TOGARAM1: variants seen among roughly 807,000 people sequenced by gnomAD.
The protein encoded by TOGARAM1 is TOG array regulator of axonemal microtubules protein 1.
In TOGARAM1, 100 loss-of-function variants were observed where a neutral mutation model predicts 166.6. The ratio of observed to expected loss-of-function variants is 0.60; its 90% CI spans 0.51 to 0.71. The LOEUF is 0.71. Ranked by LOEUF, TOGARAM1 falls within the 30% of genes least tolerant of loss-of-function variation. The probability of loss-of-function intolerance (pLI) is 0.00; values close to 1 mark genes in which losing one functional copy is unlikely to be tolerated. For synonymous variants in TOGARAM1, 758 were observed against 763.8 expected (o/e 0.99, Z 0.13); for missense variants, 2,029 against 2,102.7 (o/e 0.96, Z 0.69).
At chr14:45,068,745 G>GT (rs1179538549) in intron 18 of TOGARAM1, 102 bp downstream of exon 18, 6 of 811,232 alleles carry the variant, frequency 7.4e-6, no homozygotes, top group African/African-American at 7.1e-5. Context: ...TAGTTATTCA[G>GT]TTTTTTAAAC....
At chr14:45,052,145 C>T (rs1385617328) in intron 14 of TOGARAM1, among the ~76,000 whole-genome samples, 1 of 152,112 alleles carries the variant, frequency 6.6e-6, no homozygotes, top group Non-Finnish European at 1.5e-5. Flanking sequence ...ATATGACTAG[C>T]CATGGAAAAA....
In TOGARAM1 at chr14:45,025,830, A is replaced by G. The variant is rs897180758; in HGVS notation, c.3286A>G (p.Thr1096Ala). 1.2e-6 allele frequency: 2 copies of G among 1,610,426 alleles called. No individual in the cohort carries two copies. The highest frequency in any genetic ancestry group is 8.5e-7 in the Non-Finnish European group (1 of 1,177,396). Reference sequence around the variant, plus strand: ...AATTTCCAGTTTTGACTTCACAACCACAAAGGCTTTATCAGAAGACTCAGT... The same window carrying G: ...AATTTCCAGTTTTGACTTCACAACCGCAAAGGCTTTATCAGAAGACTCAGT... ...QQISSFDFTT[T>A]KALSEDSVVV... Residue 1096 changes from threonine to alanine, a missense_variant, in exon 8 of 20, where the codon ACA (threonine) becomes GCA (alanine). By Grantham distance (58) the Thr-to-Ala change is moderately conservative. Around this residue, in one of 2 missense-constraint regions of TOGARAM1, gnomAD observed 1,453 missense variants for 1,432.2 expected, o/e 1.01. Transcript: ENST00000361462.
At chr14:45,038,771 A>C (rs1009551944) in intron 11 of TOGARAM1, among the ~76,000 whole-genome samples, 2 of 152,150 alleles carry the variant, frequency 1.3e-5, no homozygotes, top group Non-Finnish European at 2.9e-5. Context: ...GATTTCATCC[A>C]TGTTTGTGTT....
chr14:44,976,033 CTA>C (rs1406849856), intron 1 of TOGARAM1, among the ~76,000 whole-genome samples: 3 of 151,882 alleles, frequency 2.0e-5, no homozygotes, highest in Admixed American at 2.0e-4. Flanking sequence ...AAAATGATTC[CTA>C]GATCAACTAT....
intron 13 of TOGARAM1, among the ~76,000 whole-genome samples, chr14:45,045,583 ATGTGTG>A (rs1200414644): frequency 0.073 from 2,661 of 36,508 alleles, 136 homozygotes; most frequent in African/African-American, 0.14. Flanking sequence ...ATATATATAT[ATGTGTG>A]TGTGTGTGTG....
rs557830590 is a variant in TOGARAM1, at chr14:44,981,652, A to G, written c.2047-14094A>G. ...TAAAAAAGTTATACATGCTCATTAT[A>G]GAAAATTTGAAAAATATGGGAAAGC... On this transcript the variant is annotated intron_variant, in intron 1 of 19. Transcript: ENST00000361462. Among the ~76,000 whole-genome samples the G allele has an allele frequency of 5.3e-5, 8 of 152,326 alleles. No individual in the cohort carries two copies. In the East Asian group the frequency reaches 1.5e-3, roughly 29 times the overall value.
chr14:44,975,149 C>T (rs994857091), intron 1 of TOGARAM1, among the ~76,000 whole-genome samples: 3 of 152,074 alleles, frequency 2.0e-5, no homozygotes, highest in African/African-American at 7.2e-5. Context: ...AGAATTTTCC[C>T]CTTTCTGTGT....
chr14:44,994,244 G>A (rs758765364), intron 1 of TOGARAM1, among the ~76,000 whole-genome samples: 10 of 151,928 alleles, frequency 6.6e-5, no homozygotes, highest in South Asian at 4.2e-4. Flanking sequence ...TCAGCCTCCC[G>A]AGTAGCTAGG....
rs576474628 is a variant in TOGARAM1, at chr14:45,020,144, A to G, written c.3239-5639A>G. 4.0e-4 allele frequency among the ~76,000 whole-genome samples: 61 copies of G among 152,318 alleles called. No individual in the cohort carries two copies. The South Asian group carries it at 0.011, about 28-fold the overall frequency. On this transcript the variant is annotated intron_variant, in intron 7 of 19. Transcript: ENST00000361462. Reference sequence around the variant, plus strand: ...CAATATTATAGCTGCTAGAGGTCCTAAGAAGGGGAGAATCCAGGGCATCCA... The same window carrying G: ...CAATATTATAGCTGCTAGAGGTCCTGAGAAGGGGAGAATCCAGGGCATCCA...
Position 45,052,569 on chromosome 14 carries a change from G to A in TOGARAM1, c.4440+7G>A, listed in dbSNP as rs759872690. The A allele has an allele frequency of 5.1e-6, 8 of 1,580,156 alleles. No individual in the cohort carries two copies. The highest frequency in any genetic ancestry group is 6.9e-6 in the Non-Finnish European group (8 of 1,159,194). On this transcript the variant is annotated splice_region_variant and intron_variant, in intron 15 of 19. Coordinates refer to ENST00000361462, the MANE Select transcript of TOGARAM1 (RefSeq NM_001308120.2). ...TAGAAACTTACAGCAAAAGGTATGT[G>A]GGAAAAGTTTGTTTTATAAACAGCT...
At chr14:44,966,434 C>A (rs568771194) in intron 1 of TOGARAM1, among the ~76,000 whole-genome samples, 46 of 152,098 alleles carry the variant, frequency 3.0e-4, no homozygotes, top group Middle Eastern at 6.8e-3. Context: ...GATCACACCA[C>A]TGTACCCCAG....
chr14:44,987,970 C>T (rs1288356242), intron 1 of TOGARAM1, among the ~76,000 whole-genome samples: 2 of 151,856 alleles, frequency 1.3e-5, no homozygotes, highest in Non-Finnish European at 2.9e-5. Context: ...ATGGATGAAG[C>T]TGGAAACCAT....
chr14:45,011,766 T>G (rs1187332943), intron 6 of TOGARAM1: 12 of 412,210 alleles, frequency 2.9e-5, no homozygotes, highest in Non-Finnish European at 4.8e-5. Flanking sequence ...AAAGGTGAAC[T>G]AAGAATAGCA....
Position 44,999,386 on chromosome 14 carries a change from A to T in TOGARAM1, c.2227A>T (p.Asn743Tyr). 1.2e-6 allele frequency: 2 copies of T among 1,609,740 alleles called. No individual in the cohort carries two copies. Among genetic ancestry groups the T allele is most frequent in the Non-Finnish European group, 1.7e-6 (2 of 1,177,452 alleles). The change falls in exon 3 of 20, where the codon AAT (asparagine) becomes TAT (tyrosine). Residue 743 changes from asparagine (N) to tyrosine (Y), a missense_variant. By Grantham distance (143) the Asn-to-Tyr change is moderately radical. Transcript: ENST00000361462. Reference protein sequence around the residue: ...AAGTTGTHQTNLSGKCAQLGF... With the variant: ...AAGTTGTHQTYLSGKCAQLGF... ...AGGTACTACTGGGACTCATCAAACA[A>T]ATCTTTCTGGGAAATGTGCACAACT...
At chr14:45,053,596 A>AT (rs897267694) in intron 15 of TOGARAM1, among the ~76,000 whole-genome samples, 1 of 152,024 alleles carries the variant, frequency 6.6e-6, no homozygotes, top group African/African-American at 2.4e-5. Context: ...ATTTTAGAGC[A>AT]TTTTTTTCTG....
rs746793872 is a variant in TOGARAM1 at position 45,028,186 on chromosome 14, C to A, written c.3515C>A (p.Ser1172Tyr). 6.4e-7 allele frequency: 1 copy of A among 1,569,246 alleles called. No homozygotes were observed. Among genetic ancestry groups the A allele is most frequent in the Admixed American group, 2.1e-5 (1 of 46,778 alleles). The change falls in exon 10 of 20, where the codon TCT becomes TAT. Residue 1172 changes from serine (S) to tyrosine (Y), a missense_variant. By Grantham distance (144) the Ser-to-Tyr change is moderately radical. This residue lies in a region of TOGARAM1 where 1,453 missense variants were observed against 1,432.2 expected (regional missense o/e 1.01). Coordinates refer to ENST00000361462, the MANE Select transcript of TOGARAM1 (RefSeq NM_001308120.2). The part of the protein sequence containing the change: ...DVENEKDAKV[S>Y]ISKSTYNKMR... ...AACTTTTTCATGCAGGCTAAAGTTT[C>A]TATTTCTAAATCTACTTATAACAAG... is the stretch of plus-strand genomic sequence containing the variant.
At position 44,987,016 on chromosome 14, in the gene TOGARAM1, A is replaced by G. The variant is rs1351087313; in HGVS notation, c.2047-8730A>G. Among the ~76,000 whole-genome samples the G allele has an allele frequency of 4.6e-5, 7 of 151,804 alleles. No homozygotes were observed. In the East Asian group the frequency reaches 5.8e-4, roughly 13 times the overall value. Reference sequence around the variant, plus strand: ...CGAGACTCTGTCTCAAAAAAAAAAAAAAAGAAAGAAAAAAGAAAAAAAAAT... The same window carrying G: ...CGAGACTCTGTCTCAAAAAAAAAAAGAAAGAAAGAAAAAAGAAAAAAAAAT... On this transcript the variant is annotated intron_variant, in intron 1 of 19. Coordinates refer to ENST00000361462, the MANE Select transcript of TOGARAM1 (RefSeq NM_001308120.2).
chr14:45,031,144 T>C (rs1881132384), intron 10 of TOGARAM1, among the ~76,000 whole-genome samples: 1 of 152,182 alleles, frequency 6.6e-6, no homozygotes. Context: ...ACAGATAACA[T>C]GGTTAATAAA....
intron 1 of TOGARAM1, among the ~76,000 whole-genome samples, chr14:44,976,331 A>T (rs1035358450): frequency 1.3e-5 from 2 of 151,982 alleles, no homozygotes; most frequent in Admixed American, 6.6e-5. Flanking sequence ...CCATCCTCTG[A>T]CCCCTTTTTC....
Sources: allele counts gnomAD v4.1 joint callset (sites outside exome capture counted in the v4.1 genomes callset), GRCh38; gene constraint gnomAD v4.1.1; regional missense constraint gnomAD v4.1.1; transcripts MANE v1.5; gene names NCBI Gene and HGNC (gene_info 2026-07-23, HGNC 2026-07-21).